TMPRSS11B: variants seen among roughly 807,000 people sequenced by gnomAD.
TMPRSS11B encodes the protein transmembrane serine protease 11B, also known as transmembrane protease serine 11B.
A neutral mutation model predicts 44.7 loss-of-function variants in TMPRSS11B; 53 were observed. The ratio of observed to expected loss-of-function variants is 1.19; its 90% CI spans 0.95 to 1.49. TMPRSS11B has a LOEUF of 1.49. Ranked by LOEUF, TMPRSS11B falls within the 40% of genes most tolerant of loss-of-function variation. The probability of loss-of-function intolerance (pLI) is 0.00; values close to 1 mark genes in which losing one functional copy is unlikely to be tolerated. For missense variants in TMPRSS11B, 526 were observed against 494.8 expected, an observed-to-expected ratio of 1.06 and a Z score of -0.60; for synonymous variants, 140 against 159.2, an observed-to-expected ratio of 0.88 and a Z score of 0.91.
chr4:68,231,243 T>C lies in TMPRSS11B; in HGVS notation c.646A>G (p.Ser216Gly), dbSNP rs749588864. The change falls in exon 7 of 10, where the codon AGC becomes GGC. Residue 216 changes from serine to glycine, a missense_variant. Ser to Gly is a moderately conservative substitution (Grantham distance 56). Coordinates refer to ENST00000332644, the MANE Select transcript of TMPRSS11B (RefSeq NM_182502.3). ...GCTGCAGATAATAGCCACCTGCTGC[T>C]GATCAGAGAGGCTCCACAGTAGTGA... is the stretch of plus-strand genomic sequence containing the variant. ...GRHYCGASLI[S>G]SRWLLSAAHC... The C allele has an allele frequency of 4.3e-6, 7 of 1,612,974 alleles. No individual in the cohort carries two copies. Among genetic ancestry groups the C allele is most frequent in the Non-Finnish European group, 5.9e-6 (7 of 1,179,756 alleles).
intron 2 of TMPRSS11B, among the ~76,000 whole-genome samples, chr4:68,237,364 G>T (rs1336745820): frequency 6.6e-6 from 1 of 152,068 alleles, no homozygotes; most frequent in Non-Finnish European, 1.5e-5. Context: ...TTGGTTCTAA[G>T]TCTTTGCTAT....
chr4:68,230,689 A>T (rs1719483837), intron 7 of TMPRSS11B, among the ~76,000 whole-genome samples: 1 of 152,012 alleles, frequency 6.6e-6, no homozygotes, highest in Non-Finnish European at 1.5e-5. Flanking sequence ...CTGTAATCCC[A>T]GCTACTCAGG....
Position 68,228,014 on chromosome 4 carries a change from C to G in TMPRSS11B, c.1148G>C (p.Gly383Ala), listed in dbSNP as rs748218583. The G allele has an allele frequency of 1.2e-6, 2 of 1,613,784 alleles. No individual in the cohort carries two copies. Among genetic ancestry groups the G allele is most frequent in the Non-Finnish European group, 1.7e-6 (2 of 1,179,918 alleles). ...ACATCCATCACCCCAGCTTACTATT[C>G]CAACAAGATGCCAGATATTTCTGGA... ...PDSRNIWHLV[G>A]IVSWGDGCGK... The change falls in exon 10 of 10, where the codon GGA becomes GCA. Residue 383 changes from glycine to alanine, a missense_variant. Gly to Ala is a moderately conservative substitution (Grantham distance 60). Transcript: ENST00000332644.
In TMPRSS11B at chr4:68,227,921, G is replaced by T. The variant is rs1719398949; in HGVS notation, c.1241C>A (p.Thr414Asn). ...TSYRNWITSK[T>N]GL ...ATAATTCCTTTTTTTTCAGAGTCCA[G>T]TCTTGGATGTAATCCAATTGCGATA... The change falls in exon 10 of 10, where the codon ACT (threonine) becomes AAT (asparagine). Residue 414 changes from threonine (T) to asparagine (N), a missense_variant. Thr to Asn is a moderately conservative substitution (Grantham distance 65, BLOSUM62 0). Transcript: ENST00000332644. The T allele has an allele frequency of 6.2e-7, 1 of 1,609,504 alleles. No individual in the cohort carries two copies. The highest frequency in any genetic ancestry group is 8.5e-7 in the Non-Finnish European group (1 of 1,178,478).
At chr4:68,237,158 C>T (rs1719693840) in intron 2 of TMPRSS11B, among the ~76,000 whole-genome samples, 1 of 151,976 alleles carries the variant, frequency 6.6e-6, no homozygotes, top group Admixed American at 6.6e-5. Context: ...TTTCATTGTT[C>T]AGCTCCCACT....
chr4:68,227,525 T>C lies in TMPRSS11B; in HGVS notation c.*386A>G, dbSNP rs181937250. ...GCTGGGCTCAAGCAATCCTCCCACC[T>C]CAGCCTCCTGAATAGCTGGGACTAT... On this transcript the variant is annotated 3_prime_UTR_variant, in exon 10 of 10. Transcript: ENST00000332644. 3.3e-3 allele frequency: 480 copies of C among 145,602 alleles called. 1 individual carries two copies. Among genetic ancestry groups the C allele is most frequent in the Non-Finnish European group, 5.6e-3 (375 of 67,424 alleles). The allele number at this position is 145,602 out of a possible 1,614,324, so 9.0% of individuals were successfully genotyped here.
Position 68,241,790 on chromosome 4 carries a change from G to A in TMPRSS11B, c.23C>T (p.Ser8Phe), listed in dbSNP as rs1263117382. 2 of 1,612,674 alleles carry A rather than the reference G, an allele frequency of 1.2e-6. No individual in the cohort carries two copies. The highest frequency in any genetic ancestry group is 2.2e-5 in the South Asian group (2 of 91,046). ...AGTCCATAGTGGCCAAGATCTTTGG[G>A]AAGATATGCCGTGCCTATGAAAGAG... The part of the protein sequence containing the change: MYRHGIS[S>F]QRSWPLWTTI... Residue 8 changes from serine (S) to phenylalanine (F), a missense_variant, in exon 2 of 10, where the codon TCC (serine) becomes TTC (phenylalanine). Ser to Phe is a radical substitution (Grantham distance 155, BLOSUM62 -2). Transcript: ENST00000332644.
At chr4:68,231,050 GCT>G (rs1719496586) in intron 7 of TMPRSS11B, among the ~76,000 whole-genome samples, 151 bp downstream of exon 7, 2 of 141,734 alleles carry the variant, frequency 1.4e-5, no homozygotes, top group East Asian at 4.1e-4. Context: ...TTCCTTTCCT[GCT>G]CTTTAATTAC....
chr4:68,227,250 C>T lies in TMPRSS11B; in HGVS notation c.*661G>A, dbSNP rs1719376020. The T allele has an allele frequency of 6.6e-6, 1 of 151,978 alleles. No individual in the cohort carries two copies. Among genetic ancestry groups the T allele is most frequent in the Non-Finnish European group, 1.5e-5 (1 of 68,002 alleles). 9.4% of individuals were successfully genotyped at this position (151,978 alleles called of 1,614,324 possible). On this transcript the variant is annotated 3_prime_UTR_variant, in exon 10 of 10. Coordinates refer to ENST00000332644, the MANE Select transcript of TMPRSS11B (RefSeq NM_182502.3). ...ATAAAAAGTAACTCATTTGATAAAT[C>T]CCCTATATATGTTCTCATAGTTTCA... is the stretch of plus-strand genomic sequence containing the variant.
intron 8 of TMPRSS11B, 83 bp from the exon 9 acceptor site, chr4:68,228,967 T>G (rs1456107344): frequency 4.8e-6 from 7 of 1,443,840 alleles, no homozygotes; most frequent in Non-Finnish European, 6.5e-6. Context: ...TAAAGCAGAC[T>G]CTCTTGGTCA....
chr4:68,240,088 T>C (rs1719782681), intron 2 of TMPRSS11B, among the ~76,000 whole-genome samples: 1 of 152,134 alleles, frequency 6.6e-6, no homozygotes. Context: ...AAAAAGTTGA[T>C]TGAGAAATAA....
In TMPRSS11B at chr4:68,239,264, G is replaced by T. The variant is rs544489984; in HGVS notation, c.124+2425C>A. 1.5e-3 allele frequency among the ~76,000 whole-genome samples: 214 copies of T among 144,890 alleles called. 4 individuals carry two copies. Among genetic ancestry groups the T allele is most frequent in the Admixed American group, 9.8e-3 (145 of 14,782 alleles). ...AGATCTCTCTTGCGCGCTCTCTCTC[G>T]CGCGCGCGCTCTCTCTCTCGCACTC... On this transcript the variant is annotated intron_variant, in intron 2 of 9. Coordinates refer to ENST00000332644, the MANE Select transcript of TMPRSS11B (RefSeq NM_182502.3).
rs772923709 is a variant in TMPRSS11B, at chr4:68,228,764, G to A, written c.1067C>T (p.Ser356Leu). Residue 356 changes from serine to leucine, a missense_variant, in exon 9 of 10, where the codon TCA becomes TTA. Transcript: ENST00000332644. Reference sequence around the variant, plus strand: ...TACCTGACATGCATCAGCTTCTCCTGACATAAATCCAGCACATAACATTGT... The same window carrying A: ...TACCTGACATGCATCAGCTTCTCCTAACATAAATCCAGCACATAACATTGT... ...TDTMLCAGFMSGEADACQNDS... is the reference protein window; with the variant it reads ...TDTMLCAGFMLGEADACQNDS... 6.2e-7 allele frequency: 1 copy of A among 1,612,072 alleles called. No homozygotes were observed. The highest frequency in any genetic ancestry group is 2.2e-5 in the East Asian group (1 of 44,688).
intron 4 of TMPRSS11B, among the ~76,000 whole-genome samples, chr4:68,235,175 G>T (rs1322644644): frequency 6.6e-6 from 1 of 152,118 alleles, no homozygotes; most frequent in Non-Finnish European, 1.5e-5. Context: ...TATATATTCA[G>T]TACATTCTTT....
At chr4:68,229,761 T>C in intron 7 of TMPRSS11B, 1 of 366,056 alleles carries the variant, frequency 2.7e-6, no homozygotes, top group Non-Finnish European at 4.9e-6. Context: ...ACTGATGTTT[T>C]CCCCTGCTTA....
chr4:68,245,539 A>T lies in TMPRSS11B; in HGVS notation c.8+12T>A. Reference sequence around the variant, plus strand: ...TTTGCCAACTTGCTCTCCCCAGTGAAGTCCCCTTTACCTGTACATAATGTT... The same window carrying T: ...TTTGCCAACTTGCTCTCCCCAGTGATGTCCCCTTTACCTGTACATAATGTT... On this transcript the variant is annotated intron_variant, in intron 1 of 9. Transcript: ENST00000332644. 1.9e-6 allele frequency: 3 copies of T among 1,613,586 alleles called. No individual in the cohort carries two copies. The highest frequency in any genetic ancestry group is 2.5e-6 in the Non-Finnish European group (3 of 1,179,620).
At chr4:68,228,168 C>G (rs1444281934) in intron 9 of TMPRSS11B, 96 bp from the exon 10 acceptor site, 1 of 1,117,874 alleles carries the variant, frequency 8.9e-7, no homozygotes, top group East Asian at 2.6e-5. Context: ...GCACTGAAAC[C>G]AATTCACTCT....
At chr4:68,237,220 G>C (rs1284883368) in intron 2 of TMPRSS11B, among the ~76,000 whole-genome samples, 1 of 152,032 alleles carries the variant, frequency 6.6e-6, no homozygotes, top group East Asian at 1.9e-4. Context: ...TTAGTTTGCT[G>C]AGAATGATGG....
In TMPRSS11B at chr4:68,245,543, C is replaced by T. The variant is rs1318665469; in HGVS notation, c.8+8G>A. 6.2e-7 allele frequency: 1 copy of T among 1,613,466 alleles called. No homozygotes were observed. Reference sequence around the variant, plus strand: ...CCAACTTGCTCTCCCCAGTGAAGTCCCCTTTACCTGTACATAATGTTCTGA... The same window carrying T: ...CCAACTTGCTCTCCCCAGTGAAGTCTCCTTTACCTGTACATAATGTTCTGA... On this transcript the variant is annotated splice_region_variant and intron_variant, in intron 1 of 9. Coordinates refer to ENST00000332644, the MANE Select transcript of TMPRSS11B (RefSeq NM_182502.3).
Sources: allele counts gnomAD v4.1 joint callset (sites outside exome capture counted in the v4.1 genomes callset), GRCh38; gene constraint gnomAD v4.1.1; transcripts MANE v1.5; gene names NCBI Gene and HGNC (gene_info 2026-07-23, HGNC 2026-07-21).